Variants in FAM111B observed in about 807,000 individuals in gnomAD.
The protein encoded by FAM111B is FAM111 trypsin like peptidase B.
In FAM111B, 1 loss-of-function variant was observed where a neutral mutation model predicts 2.8. That is an observed-to-expected ratio of 0.36 (90% CI 0.13 to 1.70). The LOEUF (loss-of-function observed/expected upper bound fraction) is 1.70, where lower values mean the gene tolerates loss of function less well. Among genes scored for constraint, FAM111B ranks in the 40% most tolerant of loss-of-function variants. The pLI is 0.35. For synonymous variants in FAM111B, 297 were observed against 295.6 expected (o/e 1.00, Z -0.05); for missense variants, 882 against 878.9 (o/e 1.00, Z -0.04).
chr11:59,122,620 G>A (rs548484266), intron 3 of FAM111B, among the ~76,000 whole-genome samples: 3 of 152,292 alleles, frequency 2.0e-5, no homozygotes, highest in African/African-American at 7.2e-5. Context: ...AACACAGGAA[G>A]AGGGGCACAA....
intron 3 of FAM111B, among the ~76,000 whole-genome samples, chr11:59,111,653 A>C (rs932468504): frequency 2.0e-5 from 3 of 152,206 alleles, no homozygotes; most frequent in African/African-American, 7.2e-5. Flanking sequence ...TCACGTGTCA[A>C]GTACTTAAGA....
chr11:59,124,632 C>G lies in FAM111B; in HGVS notation c.535C>G (p.Pro179Ala), dbSNP rs765113437. The change falls in exon 4 of 4, where the codon CCA (proline) becomes GCA (alanine). Residue 179 changes from proline (P) to alanine (A), a missense_variant. Pro to Ala is a conservative substitution (Grantham distance 27). Transcript: ENST00000343597. ...DGHILRQCENPNMECILFHVV... is the reference protein window; with the variant it reads ...DGHILRQCENANMECILFHVV... ...ACACATATTACGCCAATGTGAAAAT[C>G]CAAACATGGAATGCATTCTTTTTCA... 6.2e-7 allele frequency: 1 copy of G among 1,613,736 alleles called. No individual in the cohort carries two copies. Among genetic ancestry groups the G allele is most frequent in the Non-Finnish European group, 8.5e-7 (1 of 1,179,798 alleles).
At chr11:59,121,019 T>C (rs1187970161) in intron 3 of FAM111B, among the ~76,000 whole-genome samples, 1 of 123,024 alleles carries the variant, frequency 8.1e-6, no homozygotes, top group East Asian at 2.4e-4. Flanking sequence ...GTACAAAAAA[T>C]AATTCCAGAT....
Position 59,124,187 on chromosome 11 carries a change from C to A in FAM111B, c.90C>A (p.Val30=). 1 of 1,607,430 alleles carries A rather than the reference C, an allele frequency of 6.2e-7. No individual in the cohort carries two copies. The highest frequency in any genetic ancestry group is 1.7e-5 in the Admixed American group (1 of 59,350). Reference sequence around the variant, plus strand: ...AATCTTTCCTTTTTAAGGATACTGTCATGAAGCAGACACATGCTGACACAC... The same window carrying A: ...AATCTTTCCTTTTTAAGGATACTGTAATGAAGCAGACACATGCTGACACAC... ...RTRPEVSKDT[V]MKQTHADTPV... The change falls in exon 4 of 4, where the codon GTC becomes GTA. Residue 30 remains valine, a synonymous_variant. Coordinates refer to ENST00000343597, the MANE Select transcript of FAM111B (RefSeq NM_198947.4).
chr11:59,112,252 A>G (rs1270338967), intron 3 of FAM111B, among the ~76,000 whole-genome samples: 1 of 152,218 alleles, frequency 6.6e-6, no homozygotes, highest in African/African-American at 2.4e-5. Context: ...TAAATGGAAC[A>G]TACACTGAAT....
In FAM111B at chr11:59,124,767, G is replaced by A. The variant is rs1332728660; in HGVS notation, c.670G>A (p.Ala224Thr). 2 of 1,613,734 alleles carry A rather than the reference G, an allele frequency of 1.2e-6. No individual in the cohort carries two copies. Among genetic ancestry groups the A allele is most frequent in the Non-Finnish European group, 1.7e-6 (2 of 1,179,840 alleles). Reference sequence around the variant, plus strand: ...CTTGAAGGGTGAGACTATTGAAGGAGCCTTATGCAAGGATGGCCGTTTTCG... The same window carrying A: ...CTTGAAGGGTGAGACTATTGAAGGAACCTTATGCAAGGATGGCCGTTTTCG... ...YALKGETIEGALCKDGRFRSD... is the reference protein window; with the variant it reads ...YALKGETIEGTLCKDGRFRSD... Residue 224 changes from alanine (A) to threonine (T), a missense_variant, in exon 4 of 4, where the codon GCC becomes ACC. By Grantham distance (58) the Ala-to-Thr change is moderately conservative (BLOSUM62 0). Coordinates refer to ENST00000343597, the MANE Select transcript of FAM111B (RefSeq NM_198947.4).
chr11:59,117,031 A>G (rs910643429), intron 3 of FAM111B, among the ~76,000 whole-genome samples: 1 of 152,224 alleles, frequency 6.6e-6, no homozygotes, highest in African/African-American at 2.4e-5. Context: ...TGCACACACA[A>G]TTGTAACCTT....
At chr11:59,119,594 C>T (rs1253783477) in intron 3 of FAM111B, among the ~76,000 whole-genome samples, 1 of 151,992 alleles carries the variant, frequency 6.6e-6, no homozygotes, top group Non-Finnish European at 1.5e-5. Context: ...AAATAATGGG[C>T]TATAATGGGC....
At chr11:59,107,602 C>A (rs1449015876) in intron 1 of FAM111B, among the ~76,000 whole-genome samples, 1 of 152,168 alleles carries the variant, frequency 6.6e-6, no homozygotes, top group Non-Finnish European at 1.5e-5. Flanking sequence ...TTAAGCAGAG[C>A]AGAAACTATT....
chr11:59,109,647 G>C lies in FAM111B; in HGVS notation c.22G>C (p.Glu8Gln). 6.2e-7 allele frequency: 1 copy of C among 1,610,932 alleles called. No individual in the cohort carries two copies. Among genetic ancestry groups the C allele is most frequent in the Non-Finnish European group, 8.5e-7 (1 of 1,178,296 alleles). MNSMKTE[E>Q]NKSFSAMEDD... ...CATCATGAATTCCATGAAGACTGAA[G>C]AAAACAAGTCATTTAGCGCTATGGA... The change falls in exon 3 of 4, where the codon GAA (glutamate) becomes CAA (glutamine). Residue 8 changes from glutamate to glutamine, a missense_variant. Coordinates refer to ENST00000343597, the MANE Select transcript of FAM111B (RefSeq NM_198947.4).
In FAM111B at chr11:59,125,529, T is replaced by A; in HGVS notation, c.1432T>A (p.Phe478Ile). 6.2e-7 allele frequency: 1 copy of A among 1,613,998 alleles called. No homozygotes were observed. ...TGGAAACACAGGTAATGCTACTTGC[T>A]TTGTCTTCAATGGTGGTTATATTTT... Reference protein sequence around the residue: ...NNGNTGNATCFVFNGGYIFTC... With the variant: ...NNGNTGNATCIVFNGGYIFTC... Residue 478 changes from phenylalanine (F) to isoleucine (I), a missense_variant, in exon 4 of 4, where the codon TTT (phenylalanine) becomes ATT (isoleucine). By Grantham distance (21) the Phe-to-Ile change is conservative. Coordinates refer to ENST00000343597, the MANE Select transcript of FAM111B (RefSeq NM_198947.4).
chr11:59,110,311 C>T (rs555589646), intron 3 of FAM111B, among the ~76,000 whole-genome samples: 4 of 152,152 alleles, frequency 2.6e-5, no homozygotes, highest in South Asian at 2.1e-4. Flanking sequence ...ACTACAGCAG[C>T]GTCATATGAG....
intron 3 of FAM111B, among the ~76,000 whole-genome samples, chr11:59,116,382 C>G (rs1229792976): frequency 6.6e-6 from 1 of 152,140 alleles, no homozygotes; most frequent in African/African-American, 2.4e-5. Context: ...TGCAGATTAC[C>G]CAATCCAATA....
chr11:59,123,004 T>G (rs1375236058), intron 3 of FAM111B, among the ~76,000 whole-genome samples: 2 of 152,196 alleles, frequency 1.3e-5, no homozygotes, highest in Non-Finnish European at 2.9e-5. Context: ...TCATATAATA[T>G]TTTTTACTTA....
At chr11:59,107,386 T>G (rs1266408864) in intron 1 of FAM111B, 90 bp downstream of exon 1, 1 of 152,508 alleles carries the variant, frequency 6.6e-6, no homozygotes, top group Non-Finnish European at 1.5e-5. Flanking sequence ...CAGCCCAAAG[T>G]CAAGGGGGTT....
chr11:59,109,561 A>G lies in FAM111B; in HGVS notation c.-65A>G. On this transcript the variant is annotated 5_prime_UTR_variant, in exon 3 of 4. Transcript: ENST00000343597. ...TTAGACATTTCAGGTGGCAGAATAA[A>G]TTCAATCCTTGTTTCTCCATCTTAT... 8.4e-7 allele frequency: 1 copy of G among 1,189,664 alleles called. No individual in the cohort carries two copies. The highest frequency in any genetic ancestry group is 1.2e-6 in the Non-Finnish European group (1 of 843,114). 73.7% of individuals were successfully genotyped at this position (1,189,664 alleles called of 1,614,324 possible).
intron 3 of FAM111B, among the ~76,000 whole-genome samples, chr11:59,122,643 A>C (rs1323284207): frequency 2.0e-5 from 3 of 152,032 alleles, no homozygotes; most frequent in African/African-American, 7.3e-5. Flanking sequence ...AAATTTTATG[A>C]CTCTGGTTTT....
chr11:59,109,717 T>A lies in FAM111B; in HGVS notation c.81+11T>A, dbSNP rs773400199. ...CCTGAAGTTTCAAAGGTATATCTAC[T>A]TTTTTACAACTCCTCAGAGGAGTGA... On this transcript the variant is annotated intron_variant, in intron 3 of 3. Coordinates refer to ENST00000343597, the MANE Select transcript of FAM111B (RefSeq NM_198947.4). 1.9e-6 allele frequency: 3 copies of A among 1,575,272 alleles called. No individual in the cohort carries two copies. The highest frequency in any genetic ancestry group is 2.6e-6 in the Non-Finnish European group (3 of 1,147,642).
chr11:59,125,321 G>C lies in FAM111B; in HGVS notation c.1224G>C (p.Glu408Asp). The C allele has an allele frequency of 6.2e-7, 1 of 1,613,976 alleles. No individual in the cohort carries two copies. Among genetic ancestry groups the C allele is most frequent in the Non-Finnish European group, 8.5e-7 (1 of 1,179,870 alleles). ...ATCAGTATCCGAATTTTAAAGAGGA[G>C]GCACAGTGGGTAAGAAAATATTTTC... ...IMHQYPNFKEEAQWVRKYFRE... is the reference protein window; with the variant it reads ...IMHQYPNFKEDAQWVRKYFRE... The change falls in exon 4 of 4, where the codon GAG (glutamate) becomes GAC (aspartate). Residue 408 changes from glutamate (E) to aspartate (D), a missense_variant. By Grantham distance (45) the Glu-to-Asp change is conservative. Coordinates refer to ENST00000343597, the MANE Select transcript of FAM111B (RefSeq NM_198947.4).
Sources: allele counts gnomAD v4.1 joint callset (sites outside exome capture counted in the v4.1 genomes callset), GRCh38; gene constraint gnomAD v4.1.1; transcripts MANE v1.5; gene names NCBI Gene and HGNC (gene_info 2026-07-23, HGNC 2026-07-21).